Variants in SLC36A1 observed in about 807,000 individuals in gnomAD.
SLC36A1 encodes proton-coupled amino acid transporter 1.
A neutral mutation model predicts 47.5 loss-of-function variants in SLC36A1; 30 were observed. The ratio of observed to expected loss-of-function variants is 0.63; its 90% confidence interval spans 0.47 to 0.86. SLC36A1 has a LOEUF of 0.86. Among genes scored for constraint, SLC36A1 ranks in the 40% least tolerant of loss-of-function variants. SLC36A1 has a pLI of 0.00. For synonymous variants in SLC36A1, 255 were observed against 249.7 expected (o/e 1.02, Z -0.20); for missense variants, 517 against 606.0 (o/e 0.85, Z 1.54).
In SLC36A1 at chr5:151,463,570, T is replaced by G; in HGVS notation, c.161T>G (p.Ile54Ser). Residue 54 changes from isoleucine to serine, a missense_variant, in exon 3 of 11, where the codon ATC (isoleucine) becomes AGC (serine). By Grantham distance (142) the Ile-to-Ser change is moderately radical (BLOSUM62 -2). Transcript: ENST00000243389. ...CACTTCAGATGGTTCCAGACCTTGATCCACCTGTTAAAAGGCAACATTGGC... is the reference window on the plus strand; with the variant it reads ...CACTTCAGATGGTTCCAGACCTTGAGCCACCTGTTAAAAGGCAACATTGGC... ...SNSTTWFQTL[I>S]HLLKGNIGTG... The G allele has an allele frequency of 6.2e-7, 1 of 1,614,026 alleles. No individual in the cohort carries two copies. The highest frequency in any genetic ancestry group is 8.5e-7 in the Non-Finnish European group (1 of 1,179,846).
the SLC36A1 span, among the ~76,000 whole-genome samples, chr5:151,376,231 T>C: frequency 6.6e-6 from 1 of 152,194 alleles, no homozygotes; most frequent in Non-Finnish European, 1.5e-5. Context: ...AAAATTATTT[T>C]TCTTCATCTA....
chr5:151,508,682 C>G, the SLC36A1 span, among the ~76,000 whole-genome samples: 5 of 151,280 alleles, frequency 3.3e-5, no homozygotes, highest in African/African-American at 1.2e-4. Flanking sequence ...TGCACTGCAG[C>G]CTGGGCGACA....
the SLC36A1 span, among the ~76,000 whole-genome samples, chr5:151,403,838 A>G: frequency 6.6e-6 from 1 of 152,194 alleles, no homozygotes; most frequent in African/African-American, 2.4e-5. Context: ...CTTTATGGTC[A>G]AGCATGTGGT....
the SLC36A1 span, chr5:151,509,868 G>A: frequency 1.2e-6 from 1 of 835,134 alleles, no homozygotes; most frequent in East Asian, 2.5e-5. Context: ...TGCCAAAAAG[G>A]TTGGGGACCA....
At chr5:151,447,003 T>A (rs190630166), upstream of SLC36A1, among the ~76,000 whole-genome samples, 119 of 152,114 alleles carry the variant, frequency 7.8e-4, no homozygotes, top group Admixed American at 1.7e-3. Context: ...CCTTTATTAT[T>A]AAACAATGAT....
At chr5:151,377,600 G>A in the SLC36A1 span, among the ~76,000 whole-genome samples, 1 of 151,862 alleles carries the variant, frequency 6.6e-6, no homozygotes, top group Non-Finnish European at 1.5e-5. Context: ...GCCCGTCTCG[G>A]CCTCCCAAAG....
upstream of SLC36A1, among the ~76,000 whole-genome samples, chr5:151,446,918 T>C (rs1469684555): frequency 6.6e-6 from 1 of 152,246 alleles, no homozygotes; most frequent in Non-Finnish European, 1.5e-5. Flanking sequence ...GCCATTAATA[T>C]TAGTTGTATG....
chr5:151,525,836 C>T, the SLC36A1 span: 1 of 1,614,144 alleles, frequency 6.2e-7, no homozygotes, highest in Non-Finnish European at 8.5e-7. Context: ...AGCCATCCAT[C>T]CGGGGTCACT....
At chr5:151,382,040 C>A in the SLC36A1 span, 1 of 677,878 alleles carries the variant, frequency 1.5e-6, no homozygotes, top group South Asian at 1.8e-5. Context: ...CTCTCCCAGT[C>A]TTTGCCCTTC....
the SLC36A1 span, among the ~76,000 whole-genome samples, chr5:151,537,317 A>AAG: frequency 2.5e-3 from 231 of 93,332 alleles, 1 homozygote; most frequent in African/African-American, 0.012. Flanking sequence ...AAGAAAAAGA[A>AAG]AGAGAAAAAA....
chr5:151,504,056 TC>T, the SLC36A1 span: 2 of 152,294 alleles, frequency 1.3e-5, no homozygotes, highest in Non-Finnish European at 2.9e-5. Flanking sequence ...CTTGCATCGT[TC>T]CCCTGACCCC....
chr5:151,545,289 G>T, the SLC36A1 span: 1 of 1,614,134 alleles, frequency 6.2e-7, no homozygotes, highest in Non-Finnish European at 8.5e-7. Context: ...CTTGATACAA[G>T]CCATCAGAAG....
At chr5:151,522,032 C>T in the SLC36A1 span, 1 of 1,611,992 alleles carries the variant, frequency 6.2e-7, no homozygotes, top group Admixed American at 1.7e-5. Context: ...TGCTCTGTGA[C>T]ATGGACACGG....
the SLC36A1 span, among the ~76,000 whole-genome samples, chr5:151,549,113 T>C: frequency 7.2e-5 from 11 of 152,332 alleles, no homozygotes; most frequent in South Asian, 2.3e-3. Context: ...GTAGTAATTA[T>C]GTTATTACTA....
rs1759841202 is a variant in SLC36A1, at chr5:151,488,407, T to A, written c.*153T>A. 1.0e-6 allele frequency: 1 copy of A among 995,218 alleles called. No individual in the cohort carries two copies. 61.6% of individuals were successfully genotyped at this position (995,218 alleles called of 1,614,324 possible). ...TGGCACCTGGATACCCTGGGCCAGG[T>A]AACCTGAGGGCAGGGGAGAGGTGGG... On this transcript the variant is annotated 3_prime_UTR_variant, in exon 11 of 11. Transcript: ENST00000243389.
At chr5:151,439,418 G>A (rs938622733) in intron 1 of SLC36A1, among the ~76,000 whole-genome samples, 8 of 152,126 alleles carry the variant, frequency 5.3e-5, no homozygotes, top group Admixed American at 1.3e-4. Context: ...ACTTTGGGAA[G>A]CCAAGGTGGG....
the SLC36A1 span, chr5:151,549,623 C>G: frequency 1.4e-6 from 1 of 733,264 alleles, no homozygotes; most frequent in African/African-American, 1.8e-5. Flanking sequence ...TAACTAACTC[C>G]CCATATTCTT....
chr5:151,500,375 G>C, the SLC36A1 span, among the ~76,000 whole-genome samples: 1 of 152,014 alleles, frequency 6.6e-6, no homozygotes, highest in Non-Finnish European at 1.5e-5. Context: ...TGTTGTTGTT[G>C]TTGTTGTTTT....
At chr5:151,468,063 C>G (rs1756716067) in intron 7 of SLC36A1, 138 bp downstream of exon 7, 1 of 671,964 alleles carries the variant, frequency 1.5e-6, no homozygotes, top group African/African-American at 1.8e-5. Flanking sequence ...TGAGACCAGC[C>G]TGGCCGTCAT....
Sources: gnomAD v4.1 joint callset for allele counts (sites outside exome capture counted in the v4.1 genomes callset) on GRCh38, gnomAD v4.1.1 for gene constraint, MANE v1.5 for transcripts, NCBI Gene and HGNC (gene_info 2026-07-23, HGNC 2026-07-21) for gene names.